Variants in RBL1 observed in about 807,000 individuals in gnomAD.
RBL1 encodes the protein retinoblastoma-like protein 1.
Under a neutral mutation model 123.0 loss-of-function variants are expected in RBL1, and 82 were observed. The observed-to-expected ratio is 0.67, with a 90% confidence interval of 0.56 to 0.80. The LOEUF is 0.80. RBL1 is among the 30% of genes least tolerant of loss of function. RBL1 has a pLI of 0.00. For synonymous variants in RBL1, 405 were observed against 441.3 expected (o/e 0.92, Z 1.03); for missense variants, 1,171 against 1,299.6 (o/e 0.90, Z 1.52).
At chr20:37,080,906 A>C (rs80280412) in intron 2 of RBL1, among the ~76,000 whole-genome samples, 59 of 152,316 alleles carry the variant, frequency 3.9e-4, no homozygotes, top group African/African-American at 1.4e-3. Context: ...GACTTTTAAA[A>C]GCCTTGAGGC....
At chr20:37,056,649 G>A (rs1208363433) in intron 9 of RBL1, among the ~76,000 whole-genome samples, 1 of 151,816 alleles carries the variant, frequency 6.6e-6, no homozygotes, top group Non-Finnish European at 1.5e-5. Flanking sequence ...CACCATGCCC[G>A]GCCAACATGC....
Position 37,035,452 on chromosome 20 carries a change from C to T in RBL1, c.1960G>A (p.Gly654Arg), listed in dbSNP as rs1386470514. The T allele has an allele frequency of 6.2e-7, 1 of 1,613,230 alleles. No homozygotes were observed. Among genetic ancestry groups the T allele is most frequent in the East Asian group, 2.2e-5 (1 of 44,850 alleles). The change falls in exon 15 of 22, where the codon GGG (glycine) becomes AGG (arginine). Residue 654 changes from glycine (G) to arginine (R), a missense_variant. Physicochemically the swap from Gly to Arg is moderately radical, Grantham distance 125 (BLOSUM62 -2). Transcript: ENST00000373664. Reference protein sequence around the residue: ...VHERYSSPTAGSAKRRLFGED... With the variant: ...VHERYSSPTARSAKRRLFGED... The stretch of plus-strand genomic sequence containing the variant: ...CCAAAGAGTCTTCTCTTAGCACTCC[C>T]TGCGGTAGGAGAACTGTAGCGTTCA...
At chr20:37,058,883 A>G (rs1568866321) in intron 9 of RBL1, among the ~76,000 whole-genome samples, 1 of 151,654 alleles carries the variant, frequency 6.6e-6, no homozygotes, top group African/African-American at 2.4e-5. Flanking sequence ...GCTGGAATGC[A>G]TATCACCATG....
chr20:37,017,734 G>T (rs984385477), intron 19 of RBL1, among the ~76,000 whole-genome samples: 3 of 151,644 alleles, frequency 2.0e-5, no homozygotes, highest in Middle Eastern at 3.2e-3. Flanking sequence ...GGTTTCAAGC[G>T]ATTCTCCTGC....
intron 13 of RBL1, among the ~76,000 whole-genome samples, chr20:37,042,250 C>T (rs1600516366): frequency 6.6e-6 from 1 of 151,686 alleles, no homozygotes; most frequent in East Asian, 1.9e-4. Context: ...GACATTTCTC[C>T]AAAGAAGATA....
chr20:37,016,883 CAGAAAAGAAA>C (rs142828607), intron 19 of RBL1, among the ~76,000 whole-genome samples: 1 of 122,246 alleles, frequency 8.2e-6, no homozygotes, highest in Non-Finnish European at 1.6e-5. Flanking sequence ...GATCCTGTCT[CAGAAAAGAAA>C]AGAAAAGAAA....
intron 19 of RBL1, among the ~76,000 whole-genome samples, chr20:37,010,649 A>G (rs918323259): frequency 1.1e-4 from 16 of 152,178 alleles, no homozygotes; most frequent in African/African-American, 3.6e-4. Flanking sequence ...GCATCTAAAT[A>G]TATCTAAACA....
At chr20:37,004,061 T>C (rs2064030852) in intron 20 of RBL1, among the ~76,000 whole-genome samples, 195 bp from the exon 21 acceptor site, 1 of 151,902 alleles carries the variant, frequency 6.6e-6, no homozygotes, top group South Asian at 2.1e-4. Flanking sequence ...AGAATTTATT[T>C]TCCTGAATCT....
At chr20:37,077,804 AT>A (rs1350478237) in intron 2 of RBL1, among the ~76,000 whole-genome samples, 4 of 151,284 alleles carry the variant, frequency 2.6e-5, no homozygotes, top group Non-Finnish European at 5.9e-5. Context: ...AAAAAAAAAA[AT>A]TCTCTTACAT....
chr20:37,071,541 A>C lies in RBL1; in HGVS notation c.291-3355T>G, dbSNP rs375361423. ...CATGGTGGTGTGTGACTGTGGGCCCAGCTACTCAGGAAGCTGAGGCAGGAG... is the reference window on the plus strand; with the variant it reads ...CATGGTGGTGTGTGACTGTGGGCCCCGCTACTCAGGAAGCTGAGGCAGGAG... On this transcript the variant is annotated intron_variant, in intron 2 of 21. Transcript: ENST00000373664. Among the ~76,000 whole-genome samples, 3 of 152,290 alleles carry C rather than the reference A, an allele frequency of 2.0e-5. No homozygotes were observed. In the East Asian group the frequency reaches 5.8e-4, roughly 29 times the overall value.
At chr20:37,092,575 G>A (rs1034288317) in intron 1 of RBL1, among the ~76,000 whole-genome samples, 7 of 152,152 alleles carry the variant, frequency 4.6e-5, no homozygotes, top group African/African-American at 1.4e-4. Context: ...GCCCAAGCTG[G>A]TCTCAAACTC....
chr20:37,001,771 GAA>G (rs1241710765), intron 21 of RBL1, among the ~76,000 whole-genome samples: 2 of 109,614 alleles, frequency 1.8e-5, no homozygotes, highest in Non-Finnish European at 3.9e-5. Flanking sequence ...AAAAAAAATG[GAA>G]AAAAAAAAAA....
chr20:37,090,123 C>T (rs909530886), intron 1 of RBL1, among the ~76,000 whole-genome samples: 1 of 152,168 alleles, frequency 6.6e-6, no homozygotes, highest in Non-Finnish European at 1.5e-5. Flanking sequence ...ATTTACTGTA[C>T]CCCTTTTATG....
chr20:37,073,059 G>T (rs1309662081), intron 2 of RBL1, among the ~76,000 whole-genome samples: 2 of 152,030 alleles, frequency 1.3e-5, no homozygotes, highest in Non-Finnish European at 2.9e-5. Context: ...TCAAGCAATC[G>T]ATCCTCCCGC....
At chr20:37,085,737 G>A (rs559299890) in intron 2 of RBL1, among the ~76,000 whole-genome samples, 4 of 132,386 alleles carry the variant, frequency 3.0e-5, no homozygotes, top group South Asian at 4.9e-4. Flanking sequence ...CGCTATAAGC[G>A]CCGCCTCCTG....
intron 15 of RBL1, 56 bp from the exon 16 acceptor site, chr20:37,032,932 A>C (rs2064538285): frequency 6.3e-7 from 1 of 1,594,554 alleles, no homozygotes; most frequent in Non-Finnish European, 8.5e-7. Context: ...AAAGTTGTCA[A>C]CTATATATAT....
chr20:37,076,504 C>T lies in RBL1; in HGVS notation c.291-8318G>A, dbSNP rs532546075. 9.3e-4 allele frequency among the ~76,000 whole-genome samples: 142 copies of T among 152,316 alleles called. 1 individual carries two copies. Among genetic ancestry groups the T allele is most frequent in the African/African-American group, 3.4e-3 (141 of 41,584 alleles). Reference sequence around the variant, plus strand: ...GCAGGTAGCATACACAGCATGGATACAGTAAACAAAGAGATGATTCACGTC... The same window carrying T: ...GCAGGTAGCATACACAGCATGGATATAGTAAACAAAGAGATGATTCACGTC... On this transcript the variant is annotated intron_variant, in intron 2 of 21. Coordinates refer to ENST00000373664, the MANE Select transcript of RBL1 (RefSeq NM_002895.5).
At chr20:37,075,726 G>C (rs994699002) in intron 2 of RBL1, among the ~76,000 whole-genome samples, 1 of 152,120 alleles carries the variant, frequency 6.6e-6, no homozygotes, top group African/African-American at 2.4e-5. Flanking sequence ...AAAGTGCTGG[G>C]ATTACAGGTG....
At chr20:37,026,520 A>G (rs1350359864) in intron 16 of RBL1, among the ~76,000 whole-genome samples, 3 of 151,950 alleles carry the variant, frequency 2.0e-5, no homozygotes, top group East Asian at 3.9e-4. Flanking sequence ...CCTGGCCAAG[A>G]TGATGAAATC....
Sources: allele counts gnomAD v4.1 joint callset (sites outside exome capture counted in the v4.1 genomes callset), GRCh38; gene constraint gnomAD v4.1.1; transcripts MANE v1.5; gene names NCBI Gene and HGNC (gene_info 2026-07-23, HGNC 2026-07-21).